Variants in EEF1AKMT4 observed in about 807,000 individuals in gnomAD.
The protein encoded by EEF1AKMT4 is EEF1A lysine methyltransferase 4.
Under a neutral mutation model 23.0 loss-of-function variants are expected in EEF1AKMT4, and 17 were observed. That is an observed-to-expected ratio of 0.74 (90% CI 0.51 to 1.11). The LOEUF is 1.11. Among genes scored for constraint, EEF1AKMT4 ranks in the 50% least tolerant of loss-of-function variants. The probability of loss-of-function intolerance (pLI) is 0.00; values close to 1 mark genes in which losing one functional copy is unlikely to be tolerated. For synonymous variants in EEF1AKMT4, 140 were observed against 141.4 expected (o/e 0.99, Z 0.07); for missense variants, 318 against 333.4 (o/e 0.95, Z 0.36).
intron 1 of EEF1AKMT4, among the ~76,000 whole-genome samples, chr3:184,251,768 G>C (rs1273410465): frequency 6.6e-6 from 1 of 152,190 alleles, no homozygotes; most frequent in Non-Finnish European, 1.5e-5. Flanking sequence ...AGTGAATTAT[G>C]TTGGAATCTT....
chr3:184,249,911 C>A, intron 1 of EEF1AKMT4, 21 bp downstream of exon 1: 2 of 1,600,670 alleles, frequency 1.2e-6, no homozygotes, highest in Non-Finnish European at 8.5e-7. Flanking sequence ...CCGGCGCGGC[C>A]CCGCCAGGTA....
At chr3:184,252,137 G>A (rs1281979975) in intron 1 of EEF1AKMT4, among the ~76,000 whole-genome samples, 1 of 152,194 alleles carries the variant, frequency 6.6e-6, no homozygotes, top group African/African-American at 2.4e-5. Flanking sequence ...ATGGTCTAAT[G>A]TGGGTCTCAG....
rs140196854 is a variant in EEF1AKMT4 at position 184,251,368 on chromosome 3, A to G, written c.196+1478A>G. On this transcript the variant is annotated intron_variant, in intron 1 of 2. Transcript: ENST00000324557. ...GCCAACATGGTGAAACCCCGTCTCT[A>G]CTAAAAATACAAAAATCAGCCAGGT... Among the ~76,000 whole-genome samples, 374 of 152,130 alleles carry G rather than the reference A, an allele frequency of 2.5e-3. 1 individual carries two copies. Among genetic ancestry groups the G allele is most frequent in the African/African-American group, 8.7e-3 (360 of 41,500 alleles).
rs148971062 is a variant in EEF1AKMT4, at chr3:184,257,508, C to T, written c.232C>T (p.Leu78Phe). The T allele has an allele frequency of 1.6e-4, 257 of 1,611,590 alleles. No individual in the cohort carries two copies. The African/African-American group carries it at 3.0e-3, about 19-fold the overall frequency. The change falls in exon 2 of 3, where the codon CTC becomes TTC. Residue 78 changes from leucine (L) to phenylalanine (F), a missense_variant. Leu to Phe is a conservative substitution (Grantham distance 22). Coordinates refer to ENST00000324557, the MANE Select transcript of EEF1AKMT4 (RefSeq NM_032331.4). ...GNSALSYELF[L>F]GGFPNVTSVD... The stretch of plus-strand genomic sequence containing the variant: ...CAGTGCCCTGAGCTACGAGCTGTTC[C>T]TCGGAGGCTTCCCTAATGTGACCAG...
chr3:184,256,048 C>A (rs1409238606), intron 1 of EEF1AKMT4, among the ~76,000 whole-genome samples: 3 of 152,012 alleles, frequency 2.0e-5, no homozygotes, highest in African/African-American at 4.8e-5. Context: ...CTTTGGGAGG[C>A]CAAGGCAGGT....
At position 184,258,322 on chromosome 3, in the gene EEF1AKMT4, T is replaced by C; in HGVS notation, c.515T>C (p.Ile172Thr). The C allele has an allele frequency of 6.2e-7, 1 of 1,613,406 alleles. No homozygotes were observed. The highest frequency in any genetic ancestry group is 8.5e-7 in the Non-Finnish European group (1 of 1,179,602). ...SRVLVPGGRF[I>T]SMTSAAPHFR... ...GTGCTTGTCCCTGGAGGCCGGTTTA[T>C]CTCAATGACTTCTGCTGCCCCCCAC... is the stretch of plus-strand genomic sequence containing the variant. The change falls in exon 3 of 3, where the codon ATC (isoleucine) becomes ACC (threonine). Residue 172 changes from isoleucine (I) to threonine (T), a missense_variant. Physicochemically the swap from Ile to Thr is moderately conservative, Grantham distance 89 (BLOSUM62 -1). Transcript: ENST00000324557.
At chr3:184,253,453 T>C (rs561183678) in intron 1 of EEF1AKMT4, among the ~76,000 whole-genome samples, 1 of 152,170 alleles carries the variant, frequency 6.6e-6, no homozygotes, top group Non-Finnish European at 1.5e-5. Flanking sequence ...AATGGTCATA[T>C]GGATATAGCT....
intron 1 of EEF1AKMT4, among the ~76,000 whole-genome samples, 166 bp downstream of exon 1, chr3:184,250,056 T>A (rs706586): frequency 0.32 from 48,666 of 152,090 alleles, 8,373 homozygotes; most frequent in African/African-American, 0.45. Flanking sequence ...TAGTCAAGGC[T>A]AACAGGAGTA....
chr3:184,255,373 T>C (rs1414491600), intron 1 of EEF1AKMT4, among the ~76,000 whole-genome samples: 1 of 152,086 alleles, frequency 6.6e-6, no homozygotes, highest in Non-Finnish European at 1.5e-5. Flanking sequence ...AAGAGGAACA[T>C]GGGAAGGGGC....
At position 184,250,765 on chromosome 3, in the gene EEF1AKMT4, G is replaced by T. The variant is rs182373077; in HGVS notation, c.196+875G>T. ...GTTTGAGAAATAGAACATTACTAGG[G>T]ATAGAAAAAAAAGTATAATTTAGTG... is the stretch of plus-strand genomic sequence containing the variant. On this transcript the variant is annotated intron_variant, in intron 1 of 2. Coordinates refer to ENST00000324557, the MANE Select transcript of EEF1AKMT4 (RefSeq NM_032331.4). Among the ~76,000 whole-genome samples the T allele has an allele frequency of 1.5e-4, 23 of 152,244 alleles. 1 individual carries two copies. Among genetic ancestry groups the T allele is most frequent in the South Asian group, 6.2e-4 (3 of 4,820 alleles).
intron 1 of EEF1AKMT4, among the ~76,000 whole-genome samples, chr3:184,250,984 C>G (rs1719516288): frequency 1.3e-5 from 2 of 150,632 alleles, no homozygotes; most frequent in South Asian, 4.2e-4. Context: ...ACTTGGGAGG[C>G]TGAGGCAGGA....
chr3:184,255,579 G>C (rs962943437), intron 1 of EEF1AKMT4, among the ~76,000 whole-genome samples: 8 of 152,198 alleles, frequency 5.3e-5, no homozygotes, highest in Non-Finnish European at 1.5e-5. Context: ...TTGTCAAGCT[G>C]GGACTGGCCA....
At chr3:184,252,709 G>A (rs1402281327) in intron 1 of EEF1AKMT4, among the ~76,000 whole-genome samples, 3 of 152,106 alleles carry the variant, frequency 2.0e-5, no homozygotes, top group African/African-American at 7.2e-5. Context: ...TTGGGAGGCC[G>A]AGGCGGGCGG....
chr3:184,257,791 A>T (rs1470117400), intron 2 of EEF1AKMT4, 35 bp downstream of exon 2: 1 of 1,583,502 alleles, frequency 6.3e-7, no homozygotes, highest in East Asian at 2.2e-5. Context: ...GCAGATCAAT[A>T]GGTGGGGCTG....
At position 184,258,592 on chromosome 3, in the gene EEF1AKMT4, T is replaced by A; in HGVS notation, c.*17T>A. The A allele has an allele frequency of 6.5e-7, 1 of 1,544,080 alleles. No homozygotes were observed. The highest frequency in any genetic ancestry group is 8.7e-7 in the Non-Finnish European group (1 of 1,145,460). On this transcript the variant is annotated 3_prime_UTR_variant, in exon 3 of 3. Coordinates refer to ENST00000324557, the MANE Select transcript of EEF1AKMT4 (RefSeq NM_032331.4). ...CAGCTCTGAGGCCAGAGCATGGTCC[T>A]CCACCCTTCCTGCCATTCTGCCCTG...
intron 1 of EEF1AKMT4, among the ~76,000 whole-genome samples, chr3:184,251,756 G>C (rs1577113667): frequency 6.6e-6 from 1 of 152,282 alleles, no homozygotes; most frequent in South Asian, 2.1e-4. Context: ...GACTCCAGAG[G>C]CAGTGAATTA....
chr3:184,254,946 G>C (rs1332197595), intron 1 of EEF1AKMT4, among the ~76,000 whole-genome samples: 1 of 152,178 alleles, frequency 6.6e-6, no homozygotes, highest in Non-Finnish European at 1.5e-5. Flanking sequence ...ACTTTGGAAG[G>C]CAGTGGCTTT....
In EEF1AKMT4 at chr3:184,258,383, C is replaced by G. The variant is rs1192750912; in HGVS notation, c.576C>G (p.Gly192=). The change falls in exon 3 of 3, where the codon GGC becomes GGG. Residue 192 remains glycine (G), a synonymous_variant. Transcript: ENST00000324557. ...RTRHYAQAYY[G]WSLRHATYGS... The stretch of plus-strand genomic sequence containing the variant: ...GACACTATGCCCAAGCCTATTATGG[C>G]TGGTCCCTGAGGCATGCTACCTATG... 1 of 1,613,970 alleles carries G rather than the reference C, an allele frequency of 6.2e-7. No homozygotes were observed. The highest frequency in any genetic ancestry group is 8.5e-7 in the Non-Finnish European group (1 of 1,179,902).
intron 1 of EEF1AKMT4, among the ~76,000 whole-genome samples, chr3:184,252,447 C>A (rs79850942): frequency 0.019 from 2,930 of 152,228 alleles, 94 homozygotes; most frequent in African/African-American, 0.067. Context: ...ATGTGCTGGG[C>A]CCTTTCTAAC....
Sources: allele counts gnomAD v4.1 joint callset (sites outside exome capture counted in the v4.1 genomes callset), GRCh38; gene constraint gnomAD v4.1.1; transcripts MANE v1.5; gene names NCBI Gene and HGNC (gene_info 2026-07-23, HGNC 2026-07-21).